Variants in RSPH14 observed in about 807,000 individuals in gnomAD.
RSPH14 encodes the protein rhabdoid tumor deletion region gene 1.
Under a neutral mutation model 26.7 loss-of-function variants are expected in RSPH14, and 20 were observed. That is an observed-to-expected ratio of 0.75 (90% CI 0.53 to 1.09). The LOEUF (loss-of-function observed/expected upper bound fraction) is 1.09. Among genes scored for constraint, RSPH14 ranks in the 50% least tolerant of loss-of-function variants. The pLI is 0.00. For synonymous variants in RSPH14, 177 were observed against 189.3 expected, an observed-to-expected ratio of 0.93 and a Z score of 0.53; for missense variants, 449 against 457.2, an observed-to-expected ratio of 0.98 and a Z score of 0.16.
At chr22:23,128,541 C>T in intron 4 of RSPH14, among the ~76,000 whole-genome samples, 1 of 152,240 alleles carries the variant, frequency 6.6e-6, no homozygotes, top group East Asian at 1.9e-4. Context: ...GTGAGCGCAG[C>T]AGCTTGGGCC....
chr22:23,131,506 AT>A, intron 4 of RSPH14: 1 of 726,254 alleles, frequency 1.4e-6, no homozygotes, highest in Non-Finnish European at 2.0e-6. Context: ...GAATGTAAAG[AT>A]TTGGCAAAGC....
chr22:23,173,986 A>C, the RSPH14 span, among the ~76,000 whole-genome samples: 57 of 152,060 alleles, frequency 3.7e-4, no homozygotes, highest in African/African-American at 1.3e-3. Context: ...CTGGGATTAC[A>C]GGTGTGAGCC....
At chr22:23,083,669 T>C (rs2068738010) in intron 4 of RSPH14, among the ~76,000 whole-genome samples, 1 of 152,030 alleles carries the variant, frequency 6.6e-6, no homozygotes, top group African/African-American at 2.4e-5. Context: ...GGAGGGGATA[T>C]GGGCCAGATG....
intron 4 of RSPH14, chr22:23,070,236 T>TGGTGCCCGGCGGGCGCGC (rs2068311165): frequency 6.7e-6 from 1 of 149,566 alleles, no homozygotes; most frequent in African/African-American, 2.4e-5. Context: ...GCCCGGCGCG[T>TGGTGCCCGGCGGGCGCGC]GGTGCCCGGC....
At chr22:23,135,830 G>A (rs1471791883) in intron 3 of RSPH14, among the ~76,000 whole-genome samples, 1 of 152,000 alleles carries the variant, frequency 6.6e-6, no homozygotes, top group African/African-American at 2.4e-5. Flanking sequence ...ACTGACTGCT[G>A]GGCCTGAATG....
chr22:23,143,892 A>C (rs966526736), upstream of RSPH14, among the ~76,000 whole-genome samples: 3 of 152,074 alleles, frequency 2.0e-5, no homozygotes, highest in Non-Finnish European at 4.4e-5. Flanking sequence ...GGAGTTCAAA[A>C]CCAGCCTGGC....
chr22:23,160,296 C>T, the RSPH14 span, among the ~76,000 whole-genome samples: 7 of 152,222 alleles, frequency 4.6e-5, no homozygotes, highest in Non-Finnish European at 7.4e-5. Context: ...GTGAGTTCAC[C>T]GACAGCTCAC....
At chr22:23,077,762 A>G (rs2068545583) in intron 4 of RSPH14, among the ~76,000 whole-genome samples, 1 of 152,204 alleles carries the variant, frequency 6.6e-6, no homozygotes, top group African/African-American at 2.4e-5. Context: ...AGCTGCCAAG[A>G]GGGGCCTTCT....
At chr22:23,142,166 C>CA (rs139577431), upstream of RSPH14, 345 of 312,938 alleles carry the variant, frequency 1.1e-3, 3 homozygotes, top group African/African-American at 7.3e-3. Flanking sequence ...AAAGGCAGCT[C>CA]AGCTTTGTTC....
chr22:23,161,000 T>C, the RSPH14 span: 2 of 1,596,932 alleles, frequency 1.3e-6, no homozygotes, highest in Non-Finnish European at 1.7e-6. Flanking sequence ...ACCTAATCCG[T>C]GAGTATAGGT....
chr22:23,134,267 G>C, intron 3 of RSPH14, 123 bp from the exon 4 acceptor site: 1 of 695,500 alleles, frequency 1.4e-6, no homozygotes, highest in Non-Finnish European at 2.4e-6. Context: ...CATTCCTCTG[G>C]CTTTGTGGGA....
chr22:23,077,842 G>A (rs2068548382), intron 4 of RSPH14, among the ~76,000 whole-genome samples: 1 of 152,162 alleles, frequency 6.6e-6, no homozygotes, highest in African/African-American at 2.4e-5. Flanking sequence ...AGCAGGCCCT[G>A]ACCCCCTGTG....
At chr22:23,062,093 G>T in intron 5 of RSPH14, 148 bp from the exon 6 acceptor site, 2 of 972,312 alleles carry the variant, frequency 2.1e-6, no homozygotes, top group Non-Finnish European at 3.0e-6. Context: ...TCCAGGACTG[G>T]TCATGGCAGG....
chr22:23,174,941 T>G, the RSPH14 span, among the ~76,000 whole-genome samples: 1 of 150,454 alleles, frequency 6.6e-6, no homozygotes, highest in Non-Finnish European at 1.5e-5. Flanking sequence ...CACTGCAGCC[T>G]GGGCAACAAG....
At chr22:23,120,944 A>C (rs920254655) in intron 4 of RSPH14, among the ~76,000 whole-genome samples, 1 of 152,172 alleles carries the variant, frequency 6.6e-6, no homozygotes, top group African/African-American at 2.4e-5. Flanking sequence ...CATAGCCCCC[A>C]ATTACAGCAT....
chr22:23,122,918 G>A (rs1225448082), intron 4 of RSPH14, among the ~76,000 whole-genome samples: 1 of 152,198 alleles, frequency 6.6e-6, no homozygotes, highest in African/African-American at 2.4e-5. Context: ...TTCCGTGGGA[G>A]GTGGGTGAAG....
Position 23,135,516 on chromosome 22 carries a change from A to G in RSPH14, c.303-1372T>C, listed in dbSNP as rs139252957. Among the ~76,000 whole-genome samples, 566 of 130,440 alleles carry G rather than the reference A, an allele frequency of 4.3e-3. 6 individuals carry two copies. The highest frequency in any genetic ancestry group is 0.013 in the Middle Eastern group (3 of 240). 85.6% of individuals were successfully genotyped at this position (130,440 alleles called of 152,430 possible). A position where few individuals can be genotyped will look rare whatever the true frequency, so the allele number is the denominator to read the frequency against. On this transcript the variant is annotated intron_variant, in intron 3 of 6. Transcript: ENST00000216036. ...CAAATAAGTAAATAAATAAATAAAT[A>G]TAAATTAATAAATAAAAAGATTCTA...
chr22:23,158,705 C>T, the RSPH14 span, among the ~76,000 whole-genome samples: 9 of 152,214 alleles, frequency 5.9e-5, no homozygotes, highest in Non-Finnish European at 1.0e-4. Context: ...CTGGTATTCC[C>T]ACCCCTTTGG....
At chr22:23,127,283 G>C (rs1045172377) in intron 4 of RSPH14, among the ~76,000 whole-genome samples, 25 of 152,204 alleles carry the variant, frequency 1.6e-4, no homozygotes, top group African/African-American at 6.0e-4. Context: ...TGAGCCTGAC[G>C]AGATGGGGAT....
Sources: allele counts gnomAD v4.1 joint callset (sites outside exome capture counted in the v4.1 genomes callset), GRCh38; gene constraint gnomAD v4.1.1; transcripts MANE v1.5; gene names NCBI Gene and HGNC (gene_info 2026-07-23, HGNC 2026-07-21).